Variants in IGSF11 observed in about 807,000 individuals in gnomAD.
IGSF11 encodes the protein immunoglobulin superfamily member 11.
A neutral mutation model predicts 41.0 loss-of-function variants in IGSF11; 22 were observed. That is an observed-to-expected ratio of 0.54 (90% CI 0.38 to 0.77). IGSF11 has a LOEUF of 0.77. Among genes scored for constraint, IGSF11 ranks in the 30% least tolerant of loss-of-function variants. The pLI is 0.00. For synonymous variants in IGSF11, 219 were observed against 201.3 expected (o/e 1.09, Z -0.74); for missense variants, 444 against 530.8 (o/e 0.84, Z 1.61).
chr3:118,980,499 G>C (rs1320413876), intron 1 of IGSF11, among the ~76,000 whole-genome samples: 2 of 152,186 alleles, frequency 1.3e-5, no homozygotes, highest in Non-Finnish European at 1.5e-5. Flanking sequence ...TGGAACAATA[G>C]ATACCAGAGA....
chr3:118,919,269 T>TA (rs1436747586), intron 4 of IGSF11, among the ~76,000 whole-genome samples: 1 of 140,366 alleles, frequency 7.1e-6, no homozygotes, highest in Non-Finnish European at 1.5e-5. Context: ...GGGATCTAAT[T>TA]AAACTAAAGA....
At chr3:118,995,974 G>C (rs966670984) in intron 1 of IGSF11, among the ~76,000 whole-genome samples, 1 of 152,030 alleles carries the variant, frequency 6.6e-6, no homozygotes, top group Admixed American at 6.6e-5. Context: ...AGTAGAGACA[G>C]AGTTTCACCA....
chr3:118,955,979 T>C (rs920328653), intron 1 of IGSF11, among the ~76,000 whole-genome samples: 2 of 152,216 alleles, frequency 1.3e-5, no homozygotes, highest in Non-Finnish European at 2.9e-5. Flanking sequence ...CCTTCATCAA[T>C]GATCTTAGCT....
intron 4 of IGSF11, among the ~76,000 whole-genome samples, chr3:118,918,936 G>A (rs1397429580): frequency 1.2e-5 from 1 of 83,612 alleles, no homozygotes; most frequent in East Asian, 3.4e-4. Context: ...ACAGAACAGA[G>A]CCCTCAGAAA....
intron 1 of IGSF11, among the ~76,000 whole-genome samples, chr3:119,064,969 A>C (rs1448337312): frequency 6.6e-6 from 1 of 152,062 alleles, no homozygotes; most frequent in Admixed American, 6.5e-5. Flanking sequence ...AAATAGGTTT[A>C]TTTCTTCCCT....
intron 1 of IGSF11, among the ~76,000 whole-genome samples, chr3:119,071,130 A>G (rs1235806937): frequency 6.6e-6 from 1 of 152,216 alleles, no homozygotes; most frequent in Non-Finnish European, 1.5e-5. Flanking sequence ...AGAATCATAG[A>G]GCTTCTATGA....
intron 1 of IGSF11, among the ~76,000 whole-genome samples, chr3:118,975,544 T>C (rs913903603): frequency 6.6e-6 from 1 of 152,172 alleles, no homozygotes; most frequent in Admixed American, 6.5e-5. Flanking sequence ...CCCCAGCTTT[T>C]CACAAAAGAT....
rs369280859 is a variant in IGSF11 at position 118,914,410 on chromosome 3, G to C, written c.581-8692C>G. 4.0e-5 allele frequency among the ~76,000 whole-genome samples: 6 copies of C among 150,000 alleles called. 1 individual carries two copies. The highest frequency in any genetic ancestry group is 2.0e-4 in the East Asian group (1 of 4,982). ...GCCAGTGGGTGCGCGCACCGTGTGCGAGCCGAAGCAGGGCGAGGCATTGCC... is the reference window on the plus strand; with the variant it reads ...GCCAGTGGGTGCGCGCACCGTGTGCCAGCCGAAGCAGGGCGAGGCATTGCC... On this transcript the variant is annotated intron_variant, in intron 4 of 6. Coordinates refer to ENST00000393775, the MANE Select transcript of IGSF11 (RefSeq NM_001015887.3).
upstream of IGSF11, among the ~76,000 whole-genome samples, chr3:119,035,981 AT>A (rs1424226461): frequency 1.3e-5 from 2 of 152,230 alleles, no homozygotes; most frequent in Admixed American, 1.3e-4. Flanking sequence ...TATGTAAAAT[AT>A]TTTTTAAACA....
At chr3:119,042,688 T>C (rs1470660746) in intron 1 of IGSF11, among the ~76,000 whole-genome samples, 3 of 152,182 alleles carry the variant, frequency 2.0e-5, no homozygotes, top group African/African-American at 7.2e-5. Flanking sequence ...CTACTCACTC[T>C]GGTAGCTGAA....
chr3:119,053,730 C>G (rs983280736), intron 1 of IGSF11, among the ~76,000 whole-genome samples: 1 of 151,916 alleles, frequency 6.6e-6, no homozygotes, highest in Non-Finnish European at 1.5e-5. Flanking sequence ...GCAAAAAGAA[C>G]AAATCTGGAG....
chr3:119,112,815 C>T (rs1013527738), intron 1 of IGSF11: 11 of 152,228 alleles, frequency 7.2e-5, no homozygotes, highest in Admixed American at 5.9e-4. Flanking sequence ...TCCATTCTCA[C>T]ATTGCTATAA....
chr3:118,995,542 G>A (rs190645020), intron 1 of IGSF11, among the ~76,000 whole-genome samples: 1 of 152,280 alleles, frequency 6.6e-6, no homozygotes, highest in East Asian at 1.9e-4. Context: ...AGAGAGTCCA[G>A]AAAGCTCCAA....
intron 4 of IGSF11, among the ~76,000 whole-genome samples, chr3:118,916,541 C>A (rs1404188791): frequency 6.6e-6 from 1 of 151,392 alleles, no homozygotes; most frequent in African/African-American, 2.4e-5. Context: ...GGGATCAATT[C>A]AACAAGAGGA....
Position 118,930,221 on chromosome 3 carries a change from C to T in IGSF11, c.107G>A (p.Arg36Gln), listed in dbSNP as rs760276892. ...SESPGSIQVA[R>Q]GQPAVLPCTF... ...GCAGGGCAGGACTGCTGGCTGACCC[C>T]GGGCCACCTGGATACTCCCAGGGCT... Residue 36 changes from arginine to glutamine, a missense_variant, in exon 2 of 7, where the codon CGG becomes CAG. Coordinates refer to ENST00000393775, the MANE Select transcript of IGSF11 (RefSeq NM_001015887.3). 40 of 1,613,756 alleles carry T rather than the reference C, an allele frequency of 2.5e-5. No individual in the cohort carries two copies. In the East Asian group the frequency reaches 7.8e-4, roughly 31 times the overall value.
chr3:118,939,805 TA>T (rs962445937), intron 1 of IGSF11, among the ~76,000 whole-genome samples: 6 of 152,234 alleles, frequency 3.9e-5, no homozygotes, highest in African/African-American at 1.2e-4. Context: ...AGAAACTTTT[TA>T]AAAATTAATT....
intron 1 of IGSF11, among the ~76,000 whole-genome samples, chr3:118,995,883 C>T (rs576476733): frequency 1.3e-5 from 2 of 152,166 alleles, no homozygotes; most frequent in South Asian, 2.1e-4. Flanking sequence ...GATCTGACCT[C>T]GTGATCCGCC....
At chr3:119,128,191 T>C (rs67743854) in intron 1 of IGSF11, among the ~76,000 whole-genome samples, 19,909 of 151,988 alleles carry the variant, frequency 0.13, 1,328 homozygotes, top group East Asian at 0.18. Flanking sequence ...AAAATCTATA[T>C]CTATTAAAAA....
At chr3:118,982,596 C>T (rs1934845058) in intron 1 of IGSF11, among the ~76,000 whole-genome samples, 1 of 152,034 alleles carries the variant, frequency 6.6e-6, no homozygotes, top group Non-Finnish European at 1.5e-5. Context: ...TTACATAAAA[C>T]CCATTTCAAA....
Sources: allele counts gnomAD v4.1 joint callset (sites outside exome capture counted in the v4.1 genomes callset), GRCh38; gene constraint gnomAD v4.1.1; transcripts MANE v1.5; gene names NCBI Gene and HGNC (gene_info 2026-07-23, HGNC 2026-07-21).